FAM117A: variants seen among roughly 807,000 people sequenced by gnomAD.
FAM117A encodes family with sequence similarity 117 member A.
FAM117A carries 21 observed loss-of-function variants against 44.1 expected under a neutral mutation model. The observed-to-expected ratio is 0.48, with a 90% CI of 0.34 to 0.69. The LOEUF is 0.69. FAM117A is among the 30% of genes least tolerant of loss of function. The pLI is 0.01. For missense variants in FAM117A, 498 were observed against 589.9 expected, an observed-to-expected ratio of 0.84 and a Z score of 1.61; for synonymous variants, 220 against 238.3, an observed-to-expected ratio of 0.92 and a Z score of 0.71.
At chr17:49,733,755 G>A (rs1345354749) in intron 1 of FAM117A, among the ~76,000 whole-genome samples, 2 of 152,114 alleles carry the variant, frequency 1.3e-5, no homozygotes, top group Admixed American at 6.6e-5. Context: ...AGTTGAAACT[G>A]TGGATAAAAT....
chr17:49,776,252 A>G (rs577074685), intron 1 of FAM117A, among the ~76,000 whole-genome samples: 6 of 152,312 alleles, frequency 3.9e-5, no homozygotes, highest in African/African-American at 1.4e-4. Flanking sequence ...CCCATTTCAC[A>G]GGTGAGGAAG....
chr17:49,780,357 T>C (rs2073786225), intron 1 of FAM117A, among the ~76,000 whole-genome samples: 1 of 152,196 alleles, frequency 6.6e-6, no homozygotes, highest in Non-Finnish European at 1.5e-5. Context: ...GTCTACAGAA[T>C]CATCTTCATG....
At chr17:49,785,263 G>A (rs1412958877) in intron 1 of FAM117A, among the ~76,000 whole-genome samples, 1 of 152,204 alleles carries the variant, frequency 6.6e-6, no homozygotes, top group African/African-American at 2.4e-5. Flanking sequence ...TGTAATCCCA[G>A]TGCTTTGGGA....
At chr17:49,715,308 C>T (rs972393375) in intron 7 of FAM117A, among the ~76,000 whole-genome samples, 5 of 152,166 alleles carry the variant, frequency 3.3e-5, no homozygotes, top group African/African-American at 1.2e-4. Flanking sequence ...TGGGTTATTG[C>T]TCCCTTATTT....
intron 1 of FAM117A, among the ~76,000 whole-genome samples, chr17:49,786,539 G>A (rs2073806366): frequency 6.6e-6 from 1 of 152,180 alleles, no homozygotes; most frequent in Non-Finnish European, 1.5e-5. Flanking sequence ...CACTTTGGGA[G>A]GCTGAGGCGG....
chr17:49,759,668 C>G (rs190166706), intron 1 of FAM117A, among the ~76,000 whole-genome samples: 1 of 152,208 alleles, frequency 6.6e-6, no homozygotes, highest in Non-Finnish European at 1.5e-5. Flanking sequence ...CTCTAATATG[C>G]AACCTCCTTT....
chr17:49,760,568 G>A (rs532516873), intron 1 of FAM117A, among the ~76,000 whole-genome samples: 102 of 152,206 alleles, frequency 6.7e-4, no homozygotes, highest in Non-Finnish European at 1.2e-3. Context: ...AGAAGGTTCT[G>A]GTGGTCAGAG....
rs1323098619 is a variant in FAM117A, at chr17:49,732,679, T to C, written c.238A>G (p.Arg80Gly). 2 of 1,613,886 alleles carry C rather than the reference T, an allele frequency of 1.2e-6. No homozygotes were observed. The highest frequency in any genetic ancestry group is 2.7e-5 in the African/African-American group (2 of 74,900). The stretch of plus-strand genomic sequence containing the variant: ...CGCCGGACCTGAAGTGGCTGAGGCC[T>C]ACACACTGACTTTTCTGGGGCCACC... ...CSVAPEKSVC[R>G]PQPLQVRRTF... Residue 80 changes from arginine (R) to glycine (G), a missense_variant, in exon 2 of 8, where the codon AGG (arginine) becomes GGG (glycine). Around this residue, in one of 3 missense-constraint regions of FAM117A, gnomAD observed 270 missense variants for 277.4 expected, o/e 0.97. Coordinates refer to ENST00000240364, the MANE Select transcript of FAM117A (RefSeq NM_030802.4).
At position 49,716,225 on chromosome 17, in the gene FAM117A, T is replaced by C. The variant is rs748714664; in HGVS notation, c.1001A>G (p.Tyr334Cys). Residue 334 changes from tyrosine to cysteine, a missense_variant, in exon 7 of 8, where the codon TAC becomes TGC. Tyr to Cys is a radical substitution (Grantham distance 194). Transcript: ENST00000240364. ...FAASPRPNHS[Y>C]IFKREPPEGC... ...TTCTGGGGGCTCCCGTTTGAAGATG[T>C]AGCTATGATTAGGTCGAGGGGAGGC... is the stretch of plus-strand genomic sequence containing the variant. 2 of 1,613,488 alleles carry C rather than the reference T, an allele frequency of 1.2e-6. No homozygotes were observed. The highest frequency in any genetic ancestry group is 4.5e-5 in the East Asian group (2 of 44,834).
chr17:49,718,066 C>T (rs957002873), intron 5 of FAM117A: 4 of 171,950 alleles, frequency 2.3e-5, no homozygotes, highest in Non-Finnish European at 4.9e-5. Flanking sequence ...AAGATGATAA[C>T]GTATGCTGGA....
intron 1 of FAM117A, among the ~76,000 whole-genome samples, chr17:49,737,445 G>A (rs531344049): frequency 8.5e-5 from 13 of 152,292 alleles, no homozygotes; most frequent in African/African-American, 1.2e-4. Context: ...GATGGGCCAC[G>A]GACGAGCAAG....
intron 1 of FAM117A, among the ~76,000 whole-genome samples, chr17:49,763,564 C>A (rs576062113): frequency 2.0e-3 from 306 of 151,250 alleles, no homozygotes; most frequent in African/African-American, 6.8e-3. Context: ...CCTCACGCCT[C>A]GCTCCCACCC....
rs1487922926 is a variant in FAM117A, at chr17:49,711,296, A to C, written c.1321T>G (p.Ser441Ala). The change falls in exon 8 of 8, where the codon TCA (serine) becomes GCA (alanine). Residue 441 changes from serine to alanine, a missense_variant. By Grantham distance (99) the Ser-to-Ala change is moderately conservative. Around this residue, in one of 3 missense-constraint regions of FAM117A, gnomAD observed 224 missense variants for 296.5 expected, o/e 0.76. Transcript: ENST00000240364. ...PFEPWQRTPPSEEPVLFQSSL... is the reference protein window; with the variant it reads ...PFEPWQRTPPAEEPVLFQSSL... Reference sequence around the variant, plus strand: ...CTCTGGAAAAGCACAGGCTCTTCTGATGGTGGGGTGCGCTGCCATGGCTCG... The same window carrying C: ...CTCTGGAAAAGCACAGGCTCTTCTGCTGGTGGGGTGCGCTGCCATGGCTCG... The C allele has an allele frequency of 6.2e-7, 1 of 1,609,808 alleles. No individual in the cohort carries two copies. Among genetic ancestry groups the C allele is most frequent in the Admixed American group, 1.7e-5 (1 of 59,768 alleles).
intron 2 of FAM117A, among the ~76,000 whole-genome samples, chr17:49,724,822 G>GAA (rs906558600): frequency 4.6e-5 from 2 of 43,590 alleles, no homozygotes; most frequent in Non-Finnish European, 1.1e-4. Flanking sequence ...ACAGTCTCAA[G>GAA]AAAAAAAAAA....
chr17:49,719,605 C>T (rs1189579427), intron 5 of FAM117A, 155 bp downstream of exon 5: 2 of 937,438 alleles, frequency 2.1e-6, no homozygotes, highest in Middle Eastern at 3.5e-4. Flanking sequence ...GACTAATAAA[C>T]TCCATTTGCA....
At chr17:49,713,894 C>G (rs574673937) in intron 7 of FAM117A, among the ~76,000 whole-genome samples, 1 of 152,206 alleles carries the variant, frequency 6.6e-6, no homozygotes, top group Admixed American at 6.5e-5. Context: ...GGCACAGAGT[C>G]AGGAGAGGTG....
intron 1 of FAM117A, among the ~76,000 whole-genome samples, chr17:49,776,918 G>A (rs995222604): frequency 3.9e-5 from 6 of 152,146 alleles, no homozygotes; most frequent in Admixed American, 2.6e-4. Flanking sequence ...AAGCGTGTGT[G>A]GATTCTGAAA....
At chr17:49,739,953 G>A (rs552008556) in intron 1 of FAM117A, among the ~76,000 whole-genome samples, 5 of 152,318 alleles carry the variant, frequency 3.3e-5, no homozygotes, top group Admixed American at 6.5e-5. Context: ...GAGCAGTGGC[G>A]GATGCTTTGG....
chr17:49,787,409 C>G (rs983609016), intron 1 of FAM117A, among the ~76,000 whole-genome samples: 3 of 152,206 alleles, frequency 2.0e-5, no homozygotes, highest in Non-Finnish European at 4.4e-5. Context: ...ATACTAAAAG[C>G]TGCCTGTGTC....
Sources: allele counts gnomAD v4.1 joint callset (sites outside exome capture counted in the v4.1 genomes callset), GRCh38; gene constraint gnomAD v4.1.1; regional missense constraint gnomAD v4.1.1; transcripts MANE v1.5; gene names NCBI Gene and HGNC (gene_info 2026-07-23, HGNC 2026-07-21).